SPOCK3: variants seen among roughly 807,000 people sequenced by gnomAD.
The protein encoded by SPOCK3 is testican-3.
Under a neutral mutation model 56.6 loss-of-function variants are expected in SPOCK3, and 30 were observed. The ratio of observed to expected loss-of-function variants is 0.53; its 90% CI spans 0.40 to 0.72. The LOEUF (loss-of-function observed/expected upper bound fraction) is 0.72, where lower values mean the gene tolerates loss of function less well. SPOCK3 is among the 30% of genes least tolerant of loss of function. SPOCK3 has a pLI of 0.00. For missense variants in SPOCK3, 527 were observed against 530.0 expected, an observed-to-expected ratio of 0.99 and a Z score of 0.06; for synonymous variants, 196 against 183.3, an observed-to-expected ratio of 1.07 and a Z score of -0.56.
At chr4:166,747,070 TA>T (rs1301092048) in intron 8 of SPOCK3, among the ~76,000 whole-genome samples, 4 of 83,216 alleles carry the variant, frequency 4.8e-5, no homozygotes, top group African/African-American at 1.9e-4. Context: ...GAGGAGCTGG[TA>T]CCATTCCTTC....
rs151118416 is a variant in SPOCK3, at chr4:166,919,910, C to G, written c.351-7167G>C. Among the ~76,000 whole-genome samples the G allele has an allele frequency of 2.0e-5, 3 of 152,170 alleles. No individual in the cohort carries two copies. In the East Asian group the frequency reaches 5.8e-4, roughly 29 times the overall value. ...ATATTAAAATGCATTATTTTAAGAACTAAACCAAGTATTTAAATAAATCTA... is the reference window on the plus strand; with the variant it reads ...ATATTAAAATGCATTATTTTAAGAAGTAAACCAAGTATTTAAATAAATCTA... On this transcript the variant is annotated intron_variant, in intron 4 of 10. Coordinates refer to ENST00000357545, the MANE Select transcript of SPOCK3 (RefSeq NM_001040159.2).
chr4:166,784,603 G>A (rs1469963157), intron 7 of SPOCK3, among the ~76,000 whole-genome samples: 1 of 152,158 alleles, frequency 6.6e-6, no homozygotes, highest in East Asian at 1.9e-4. Context: ...TCCAAAAGAT[G>A]AAGTCTCCTG....
intron 2 of SPOCK3, among the ~76,000 whole-genome samples, chr4:167,105,463 T>A (rs930319484): frequency 2.4e-3 from 234 of 98,548 alleles, no homozygotes; most frequent in African/African-American, 3.0e-3. Flanking sequence ...ACACAAAAAT[T>A]AAAAAAAAAA....
At chr4:166,954,966 AT>A (rs1579790291) in intron 4 of SPOCK3, among the ~76,000 whole-genome samples, 1 of 152,086 alleles carries the variant, frequency 6.6e-6, no homozygotes, top group East Asian at 1.9e-4. Flanking sequence ...GAGACTCATC[AT>A]TGTTGACTCT....
chr4:166,859,771 G>A (rs1731054952), intron 6 of SPOCK3, among the ~76,000 whole-genome samples: 1 of 151,956 alleles, frequency 6.6e-6, no homozygotes, highest in South Asian at 2.1e-4. Context: ...GCATCCAGGG[G>A]GTTCCTTGTA....
intron 2 of SPOCK3, among the ~76,000 whole-genome samples, chr4:167,159,628 G>A (rs1421748576): frequency 6.6e-6 from 1 of 152,084 alleles, no homozygotes; most frequent in Non-Finnish European, 1.5e-5. Context: ...GAACATTGAT[G>A]CAAAAATTCT....
At chr4:166,948,243 T>G (rs2150029378) in intron 4 of SPOCK3, among the ~76,000 whole-genome samples, 1 of 152,270 alleles carries the variant, frequency 6.6e-6, no homozygotes, top group Admixed American at 6.5e-5. Context: ...CCACATTTTC[T>G]TTACCCATTT....
At chr4:167,204,867 C>T (rs1276221887) in intron 2 of SPOCK3, among the ~76,000 whole-genome samples, 1 of 151,026 alleles carries the variant, frequency 6.6e-6, no homozygotes, top group Non-Finnish European at 1.5e-5. Flanking sequence ...CTCTGTCACC[C>T]CATACTTGAG....
chr4:167,016,313 G>A (rs895520219), intron 3 of SPOCK3, among the ~76,000 whole-genome samples: 2 of 152,116 alleles, frequency 1.3e-5, no homozygotes, highest in African/African-American at 4.8e-5. Flanking sequence ...TCTGAAACAT[G>A]AGATTCCAAA....
At chr4:167,131,966 A>C (rs1459270450) in intron 2 of SPOCK3, among the ~76,000 whole-genome samples, 1 of 152,200 alleles carries the variant, frequency 6.6e-6, no homozygotes, top group East Asian at 1.9e-4. Flanking sequence ...AGTTTTAGTG[A>C]AGCCCAGGTA....
At chr4:167,036,931 T>C (rs1219143705) in intron 3 of SPOCK3, among the ~76,000 whole-genome samples, 2 of 152,172 alleles carry the variant, frequency 1.3e-5, no homozygotes, top group Non-Finnish European at 2.9e-5. Context: ...ATAGAGTGCT[T>C]CTCCCTGGGT....
chr4:167,081,724 C>A (rs1242595623), intron 2 of SPOCK3, among the ~76,000 whole-genome samples: 1 of 151,578 alleles, frequency 6.6e-6, no homozygotes, highest in Admixed American at 6.6e-5. Context: ...AAGGAGGGAG[C>A]CAAAAATAGG....
At chr4:167,118,426 A>G (rs1055791052) in intron 2 of SPOCK3, among the ~76,000 whole-genome samples, 1 of 152,190 alleles carries the variant, frequency 6.6e-6, no homozygotes, top group Non-Finnish European at 1.5e-5. Flanking sequence ...AAATAAATTC[A>G]TCCTAATAAT....
At chr4:167,014,715 G>C (rs1750437560) in intron 3 of SPOCK3, among the ~76,000 whole-genome samples, 1 of 151,880 alleles carries the variant, frequency 6.6e-6, no homozygotes, top group Non-Finnish European at 1.5e-5. Flanking sequence ...TCTGAAAGCT[G>C]TGTCAAACAT....
intron 2 of SPOCK3, among the ~76,000 whole-genome samples, chr4:167,137,837 A>C (rs1387254888): frequency 6.6e-6 from 1 of 151,874 alleles, no homozygotes; most frequent in East Asian, 1.9e-4. Context: ...CTGATGCAAA[A>C]AAAATCTAAT....
chr4:166,789,006 T>G (rs1478758193), intron 7 of SPOCK3, among the ~76,000 whole-genome samples: 1 of 152,212 alleles, frequency 6.6e-6, no homozygotes, highest in Non-Finnish European at 1.5e-5. Flanking sequence ...ATTTTTTGTC[T>G]GCTATAAATA....
At chr4:166,987,349 G>C (rs1747281226) in intron 4 of SPOCK3, among the ~76,000 whole-genome samples, 1 of 152,130 alleles carries the variant, frequency 6.6e-6, no homozygotes, top group Non-Finnish European at 1.5e-5. Flanking sequence ...TATCTATAAT[G>C]AGAAAGTTTC....
chr4:167,008,483 A>G (rs896908397), intron 3 of SPOCK3, among the ~76,000 whole-genome samples: 2 of 152,256 alleles, frequency 1.3e-5, no homozygotes, highest in Non-Finnish European at 2.9e-5. Flanking sequence ...TTTAGGGACC[A>G]TATAATGATG....
chr4:166,924,851 GT>G (rs1255873070), intron 4 of SPOCK3, among the ~76,000 whole-genome samples: 1 of 152,178 alleles, frequency 6.6e-6, no homozygotes, highest in East Asian at 1.9e-4. Flanking sequence ...AGTGCAACTT[GT>G]TAGAGACTTT....
Sources: allele counts gnomAD v4.1 joint callset (sites outside exome capture counted in the v4.1 genomes callset), GRCh38; gene constraint gnomAD v4.1.1; transcripts MANE v1.5; gene names NCBI Gene and HGNC (gene_info 2026-07-23, HGNC 2026-07-21).